PAX3: variants seen among roughly 807,000 people sequenced by gnomAD.
PAX3 encodes paired box protein Pax-3.
Under a neutral mutation model 51.6 loss-of-function variants are expected in PAX3, and 14 were observed. The observed-to-expected ratio is 0.27, with a 90% confidence interval of 0.18 to 0.42. PAX3 has a LOEUF of 0.42. Ranked by LOEUF, PAX3 falls within the 10% of genes least tolerant of loss-of-function variation. PAX3 has a pLI of 1.00. For missense variants in PAX3, 540 were observed against 642.8 expected (o/e 0.84, Z 1.73); for synonymous variants, 280 against 253.4 (o/e 1.11, Z -1.00).
At chr2:222,298,471 G>T (rs1305143155) in intron 1 of PAX3, 60 bp downstream of exon 1, 1 of 1,398,766 alleles carries the variant, frequency 7.1e-7, no homozygotes. Context: ...CCTGGGGATG[G>T]GGTGAGGCAG....
At chr2:222,241,012 C>T (rs1692993744) in intron 4 of PAX3, among the ~76,000 whole-genome samples, 1 of 152,134 alleles carries the variant, frequency 6.6e-6, no homozygotes, top group Admixed American at 6.5e-5. Flanking sequence ...AGAATAGTCT[C>T]CCATGATAAC....
At chr2:222,295,711 C>T (rs1695260152) in intron 2 of PAX3, 54 bp from the exon 3 acceptor site, 7 of 1,608,950 alleles carry the variant, frequency 4.4e-6, no homozygotes, top group Non-Finnish European at 5.9e-6. Context: ...GGCCAGGTGG[C>T]GGCGGCCCCA....
At chr2:222,225,308 G>C (rs1288822695) in intron 5 of PAX3, among the ~76,000 whole-genome samples, 1 of 151,898 alleles carries the variant, frequency 6.6e-6, no homozygotes, top group East Asian at 1.9e-4. Context: ...TCATGTCTTT[G>C]AAAAATGATC....
chr2:222,264,604 A>G (rs998640756), intron 4 of PAX3: 2 of 152,272 alleles, frequency 1.3e-5, no homozygotes, highest in Non-Finnish European at 2.9e-5. Context: ...GATAATTTCA[A>G]AAAATAAATT....
chr2:222,287,295 A>ATAACACCTTT (rs1361506693), intron 4 of PAX3: 2 of 152,274 alleles, frequency 1.3e-5, no homozygotes, highest in African/African-American at 4.8e-5. Flanking sequence ...GTAAGAATTT[A>ATAACACCTTT]TAACACCTTT....
chr2:222,234,680 G>T (rs777942193), intron 4 of PAX3, among the ~76,000 whole-genome samples: 2 of 152,082 alleles, frequency 1.3e-5, no homozygotes, highest in South Asian at 2.1e-4. Context: ...TGATTCTACC[G>T]ACCCCAGATA....
At chr2:222,217,101 G>C (rs1691992022) in intron 7 of PAX3, among the ~76,000 whole-genome samples, 1 of 152,142 alleles carries the variant, frequency 6.6e-6, no homozygotes, top group Non-Finnish European at 1.5e-5. Flanking sequence ...TTCTAAAGGA[G>C]GCATAAGAAC....
intron 4 of PAX3, among the ~76,000 whole-genome samples, chr2:222,283,660 G>A (rs1694725285): frequency 6.6e-6 from 1 of 152,186 alleles, no homozygotes. Flanking sequence ...CCTTCAGGGG[G>A]CCAGGACTGT....
rs1326018124 is a variant in PAX3, at chr2:222,217,416, A to G, written c.1173+2724T>C. 2.0e-5 allele frequency among the ~76,000 whole-genome samples: 3 copies of G among 152,274 alleles called. No homozygotes were observed. In the East Asian group the frequency reaches 5.8e-4, roughly 29 times the overall value. On this transcript the variant is annotated intron_variant, in intron 7 of 8. Transcript: ENST00000392070. ...TTTTCTCTTCATTCAACTCTGGACT[A>G]TAATGGACAAGATCCTAGACCAGGA...
rs1574774765 is a variant in PAX3 at position 222,298,329 on chromosome 2, G to C, written c.85+202C>G. The C allele has an allele frequency of 3.9e-5, 23 of 596,648 alleles. No individual in the cohort carries two copies. In the East Asian group the frequency reaches 6.4e-4, roughly 17 times the overall value. The allele number at this position is 596,648 out of a possible 1,614,324, so 37.0% of individuals were successfully genotyped here. On this transcript the variant is annotated intron_variant, in intron 1 of 8. Transcript: ENST00000392070. ...CAGGCCTGACCGCCCAGCTCCGCCAGGATTTGCAGAGAGCAGCGCGCTCCA... is the reference window on the plus strand; with the variant it reads ...CAGGCCTGACCGCCCAGCTCCGCCACGATTTGCAGAGAGCAGCGCGCTCCA...
At chr2:222,298,465 G>C (rs1240231703) in intron 1 of PAX3, 66 bp downstream of exon 1, 10 of 1,349,630 alleles carry the variant, frequency 7.4e-6, no homozygotes, top group Non-Finnish European at 1.0e-5. Flanking sequence ...GCGGAGCCTG[G>C]GGATGGGGTG....
chr2:222,286,606 G>A (rs1400375663), intron 4 of PAX3, among the ~76,000 whole-genome samples: 1 of 152,208 alleles, frequency 6.6e-6, no homozygotes, highest in South Asian at 2.1e-4. Context: ...ATGTAAAATG[G>A]TGCGAACTTT....
At chr2:222,206,735 A>G (rs1378511730) in intron 7 of PAX3, among the ~76,000 whole-genome samples, 2 of 152,182 alleles carry the variant, frequency 1.3e-5, no homozygotes, top group Non-Finnish European at 2.9e-5. Context: ...AAAAAGATAA[A>G]AACTATGGGC....
chr2:222,232,280 G>A lies in PAX3; in HGVS notation c.590C>T (p.Ser197Leu), dbSNP rs1246737713. 3.1e-6 allele frequency: 5 copies of A among 1,613,222 alleles called. No homozygotes were observed. Among genetic ancestry groups the A allele is most frequent in the African/African-American group, 2.7e-5 (2 of 74,994 alleles). ...AGAGCCTTCATCTGATTGGGGTGCT[G>A]AGGCTAAAAGCACAGAAGAACAAAA... is the stretch of plus-strand genomic sequence containing the variant. ...SIDGILSERA[S>L]APQSDEGSDI... Residue 197 changes from serine to leucine, a missense_variant, in exon 5 of 9, where the codon TCA (serine) becomes TTA (leucine). By Grantham distance (145) the Ser-to-Leu change is moderately radical. Around this residue, in one of 3 missense-constraint regions of PAX3, gnomAD observed 427 missense variants for 483.6 expected, o/e 0.88. Coordinates refer to ENST00000392070, the MANE Select transcript of PAX3 (RefSeq NM_181458.4).
intron 4 of PAX3, among the ~76,000 whole-genome samples, chr2:222,233,497 G>A (rs1692686732): frequency 6.6e-6 from 1 of 152,148 alleles, no homozygotes; most frequent in Non-Finnish European, 1.5e-5. Flanking sequence ...GGGTGGAGCA[G>A]GCATTTTCCC....
At chr2:222,218,884 A>G (rs1281230902) in intron 7 of PAX3, among the ~76,000 whole-genome samples, 1 of 152,170 alleles carries the variant, frequency 6.6e-6, no homozygotes, top group African/African-American at 2.4e-5. Flanking sequence ...AGGATTTATG[A>G]ACTTTTGCCT....
chr2:222,262,409 C>T (rs1195554519), intron 4 of PAX3: 1 of 152,166 alleles, frequency 6.6e-6, no homozygotes, highest in African/African-American at 2.4e-5. Flanking sequence ...TCAACCCCCC[C>T]TCACCATTTT....
chr2:222,225,025 A>G (rs969193934), intron 5 of PAX3, among the ~76,000 whole-genome samples: 1 of 152,112 alleles, frequency 6.6e-6, no homozygotes, highest in East Asian at 1.9e-4. Context: ...ATTCAATGTA[A>G]TTTTACTATC....
intron 4 of PAX3, among the ~76,000 whole-genome samples, chr2:222,270,673 A>G (rs973426987): frequency 3.3e-5 from 5 of 152,072 alleles, no homozygotes; most frequent in African/African-American, 9.7e-5. Context: ...TTCCAGAGAA[A>G]CTCCTTCCTG....
Sources: gnomAD v4.1 joint callset for allele counts (sites outside exome capture counted in the v4.1 genomes callset) on GRCh38, gnomAD v4.1.1 for gene constraint, gnomAD v4.1.1 regional missense constraint, MANE v1.5 for transcripts, NCBI Gene and HGNC (gene_info 2026-07-23, HGNC 2026-07-21) for gene names.